ADIRF: variants seen among roughly 807,000 people sequenced by gnomAD.
ADIRF encodes the protein adipogenesis factor rich in obesity.
Under a neutral mutation model 7.8 loss-of-function variants are expected in ADIRF, and 9 were observed. That is an observed-to-expected ratio of 1.15 (90% CI 0.70 to 2.01). The LOEUF (loss-of-function observed/expected upper bound fraction) is 2.01. Ranked by LOEUF, ADIRF falls within the 30% of genes most tolerant of loss-of-function variation. ADIRF has a pLI of 0.00. For missense variants in ADIRF, 106 were observed against 98.1 expected, an observed-to-expected ratio of 1.08 and a Z score of -0.34; for synonymous variants, 48 against 39.9, an observed-to-expected ratio of 1.20 and a Z score of -0.77.
chr10:86,970,815 C>T lies in ADIRF; in HGVS notation c.*233C>T. The T allele has an allele frequency of 1.6e-6, 1 of 609,318 alleles. No homozygotes were observed. The highest frequency in any genetic ancestry group is 3.1e-6 in the Non-Finnish European group (1 of 325,890). 37.7% of individuals were successfully genotyped at this position (609,318 alleles called of 1,614,324 possible). A position where few individuals can be genotyped will look rare whatever the true frequency, so the allele number is the denominator to read the frequency against. The stretch of plus-strand genomic sequence containing the variant: ...AGAGCCACCGTAGCCGGAGTCCTAG[C>T]CTCCCAAATTCGGAAATCCAATCCA... On this transcript the variant is annotated 3_prime_UTR_variant, in exon 3 of 3. Coordinates refer to ENST00000372013, the MANE Select transcript of ADIRF (RefSeq NM_006829.3).
rs1476878118 is a variant in ADIRF, at chr10:86,970,734, C to T, written c.*152C>T. 6 of 722,118 alleles carry T rather than the reference C, an allele frequency of 8.3e-6. No homozygotes were observed. The highest frequency in any genetic ancestry group is 6.9e-5 in the African/African-American group (4 of 57,744). 44.7% of individuals were successfully genotyped at this position (722,118 alleles called of 1,614,324 possible). A position where few individuals can be genotyped will look rare whatever the true frequency, so the allele number is the denominator to read the frequency against. Reference sequence around the variant, plus strand: ...CCTCATTAAAATTCACGTTCCCACCCTGTGTCCACTTCATGATTCCTCGCA... The same window carrying T: ...CCTCATTAAAATTCACGTTCCCACCTTGTGTCCACTTCATGATTCCTCGCA... On this transcript the variant is annotated 3_prime_UTR_variant, in exon 3 of 3. Coordinates refer to ENST00000372013, the MANE Select transcript of ADIRF (RefSeq NM_006829.3).
In ADIRF at chr10:86,970,893, C is replaced by G; in HGVS notation, c.*311C>G. The G allele has an allele frequency of 2.2e-6, 1 of 460,820 alleles. No homozygotes were observed. 28.5% of individuals were successfully genotyped at this position (460,820 alleles called of 1,614,324 possible). A position where few individuals can be genotyped will look rare whatever the true frequency, so the allele number is the denominator to read the frequency against. ...CCACGCGCCTCCCGAAGCTCCCAGA[C>G]CGGAGGCTCAGCCCCCATCTCGGTT... is the stretch of plus-strand genomic sequence containing the variant. On this transcript the variant is annotated 3_prime_UTR_variant, in exon 3 of 3. Transcript: ENST00000372013.
rs1462125067 is a variant in ADIRF at position 86,968,568 on chromosome 10, C to T, written c.24C>T (p.Asp8=). The stretch of plus-strand genomic sequence containing the variant: ...CCATGGCAAGCAAGGGCTTGCAGGA[C>T]CTGAAGCAACAGGTGGAGGGGACCG... MASKGLQ[D]LKQQVEGTAQ... The change falls in exon 1 of 3, where the codon GAC becomes GAT. Residue 8 remains aspartate (D), a synonymous_variant. Transcript: ENST00000372013. 6 of 1,613,516 alleles carry T rather than the reference C, an allele frequency of 3.7e-6. No homozygotes were observed. Among genetic ancestry groups the T allele is most frequent in the East Asian group, 2.2e-5 (1 of 44,840 alleles).
Position 86,968,489 on chromosome 10 carries a change from G to A in ADIRF, c.-56G>A, listed in dbSNP as rs117748202. 5,424 of 1,605,062 alleles carry A rather than the reference G, an allele frequency of 3.4e-3. 13 individuals are homozygous for A. Among genetic ancestry groups the A allele is most frequent in the Non-Finnish European group, 4.2e-3 (4,961 of 1,174,132 alleles). ...CTGGCGCTTGGCATCGCCACTCTGG[G>A]CAGGATCCAACGTCGCTCCAGCTGC... On this transcript the variant is annotated 5_prime_UTR_variant, in exon 1 of 3. Coordinates refer to ENST00000372013, the MANE Select transcript of ADIRF (RefSeq NM_006829.3).
intron 1 of ADIRF, 134 bp from the exon 2 acceptor site, chr10:86,970,066 T>C: frequency 1.2e-6 from 1 of 846,564 alleles, no homozygotes; most frequent in Non-Finnish European, 1.6e-6. Context: ...GGCCAGGGAC[T>C]TTATCTCCAT....
rs1442192576 is a variant in ADIRF at position 86,968,587 on chromosome 10, G to C, written c.43G>C (p.Gly15Arg). 3 of 1,613,290 alleles carry C rather than the reference G, an allele frequency of 1.9e-6. No individual in the cohort carries two copies. The African/African-American group carries it at 4.0e-5, about 22-fold the overall frequency. Residue 15 changes from glycine (G) to arginine (R), a missense_variant, in exon 1 of 3, where the codon GGG becomes CGG. Transcript: ENST00000372013. ...GLQDLKQQVE[G>R]TAQEAVSAAG... ...GCAGGACCTGAAGCAACAGGTGGAG[G>C]GGACCGCCCAGGAAGCCGGTGAGGA...
chr10:86,970,793 G>A lies in ADIRF; in HGVS notation c.*211G>A, dbSNP rs985443428. 7.8e-6 allele frequency: 5 copies of A among 638,536 alleles called. No homozygotes were observed. The Middle Eastern group carries it at 7.3e-4, about 94-fold the overall frequency. 39.6% of individuals were successfully genotyped at this position (638,536 alleles called of 1,614,324 possible). A position where few individuals can be genotyped will look rare whatever the true frequency, so the allele number is the denominator to read the frequency against. Reference sequence around the variant, plus strand: ...CCAGTCCTCTCATCCCAAGAGCAGAGCCACCGTAGCCGGAGTCCTAGCCTC... The same window carrying A: ...CCAGTCCTCTCATCCCAAGAGCAGAACCACCGTAGCCGGAGTCCTAGCCTC... On this transcript the variant is annotated 3_prime_UTR_variant, in exon 3 of 3. Transcript: ENST00000372013.
At chr10:86,968,656 C>A in intron 1 of ADIRF, 51 bp downstream of exon 1, 1 of 1,584,464 alleles carries the variant, frequency 6.3e-7, no homozygotes, top group Non-Finnish European at 8.6e-7. Context: ...TGCGTGGATG[C>A]GCAGGCAGAA....
chr10:86,970,452 G>A (rs780575192), intron 2 of ADIRF, 24 bp from the exon 3 acceptor site: 1 of 1,599,722 alleles, frequency 6.3e-7, no homozygotes, highest in South Asian at 1.1e-5. Context: ...TGCCTGACCT[G>A]CCCTCTCTCC....
chr10:86,970,818 C>T lies in ADIRF; in HGVS notation c.*236C>T, dbSNP rs1763629769. On this transcript the variant is annotated 3_prime_UTR_variant, in exon 3 of 3. Transcript: ENST00000372013. ...GCCACCGTAGCCGGAGTCCTAGCCT[C>T]CCAAATTCGGAAATCCAATCCAACG... 2 of 603,094 alleles carry T rather than the reference C, an allele frequency of 3.3e-6. No homozygotes were observed. Among genetic ancestry groups the T allele is most frequent in the East Asian group, 3.7e-5 (1 of 27,204 alleles). 37.4% of individuals were successfully genotyped at this position (603,094 alleles called of 1,614,324 possible). A position where few individuals can be genotyped will look rare whatever the true frequency, so the allele number is the denominator to read the frequency against.
In ADIRF at chr10:86,970,618, A is replaced by C. The variant is rs1375099480; in HGVS notation, c.*36A>C. The C allele has an allele frequency of 2.6e-6, 4 of 1,532,566 alleles. No homozygotes were observed. In the African/African-American group the frequency reaches 5.4e-5, roughly 21 times the overall value. The allele number at this position is 1,532,566 out of a possible 1,614,324, so 94.9% of individuals were successfully genotyped here. A position where few individuals can be genotyped will look rare whatever the true frequency, so the allele number is the denominator to read the frequency against. ...ACTTGGGTCGGCCTCCTGAAATGAC[A>C]GCAGGGAGACTTGGGTGACCCCCCT... On this transcript the variant is annotated 3_prime_UTR_variant, in exon 3 of 3. Transcript: ENST00000372013.
At position 86,970,821 on chromosome 10, in the gene ADIRF, A is replaced by G. The variant is rs866675524; in HGVS notation, c.*239A>G. 17 of 595,816 alleles carry G rather than the reference A, an allele frequency of 2.9e-5. No individual in the cohort carries two copies. The highest frequency in any genetic ancestry group is 2.6e-4 in the Admixed American group (12 of 46,646). The allele number at this position is 595,816 out of a possible 1,614,324, so 36.9% of individuals were successfully genotyped here. A position where few individuals can be genotyped will look rare whatever the true frequency, so the allele number is the denominator to read the frequency against. On this transcript the variant is annotated 3_prime_UTR_variant, in exon 3 of 3. Transcript: ENST00000372013. ...ACCGTAGCCGGAGTCCTAGCCTCCC[A>G]AATTCGGAAATCCAATCCAACGGTC...
In ADIRF at chr10:86,970,539, A is replaced by G. The variant is rs1242021653; in HGVS notation, c.188A>G (p.Asp63Gly). ...GACAAGACTGCTAACCAGGCCTCTG[A>G]CACCTTCTCTGGGATTGGGAAAAAA... ...TIDKTANQAS[D>G]TFSGIGKKFG... Residue 63 changes from aspartate to glycine, a missense_variant, in exon 3 of 3, where the codon GAC becomes GGC. Transcript: ENST00000372013. 1 of 1,613,466 alleles carries G rather than the reference A, an allele frequency of 6.2e-7. No homozygotes were observed. The highest frequency in any genetic ancestry group is 8.5e-7 in the Non-Finnish European group (1 of 1,179,788).
chr10:86,968,962 C>T, intron 1 of ADIRF: 1 of 257,458 alleles, frequency 3.9e-6, no homozygotes, highest in Non-Finnish European at 7.3e-6. Flanking sequence ...AACCCGCGCG[C>T]GCCACCAGAG....
chr10:86,968,727 C>A, intron 1 of ADIRF, 122 bp downstream of exon 1: 1 of 1,160,792 alleles, frequency 8.6e-7, no homozygotes, highest in Non-Finnish European at 1.2e-6. Flanking sequence ...AAGGCTCGGT[C>A]CTCCACTGAG....
chr10:86,969,276 C>T (rs938147285), intron 1 of ADIRF: 2 of 152,342 alleles, frequency 1.3e-5, no homozygotes, highest in African/African-American at 4.8e-5. Context: ...ACCAGTGCTC[C>T]AGGGGAGGCC....
At position 86,970,753 on chromosome 10, in the gene ADIRF, C is replaced by T. The variant is rs1372403950; in HGVS notation, c.*171C>T. 1 of 688,582 alleles carries T rather than the reference C, an allele frequency of 1.5e-6. No homozygotes were observed. The highest frequency in any genetic ancestry group is 2.6e-6 in the Non-Finnish European group (1 of 378,906). 42.7% of individuals were successfully genotyped at this position (688,582 alleles called of 1,614,324 possible). A position where few individuals can be genotyped will look rare whatever the true frequency, so the allele number is the denominator to read the frequency against. The stretch of plus-strand genomic sequence containing the variant: ...CCCACCCTGTGTCCACTTCATGATT[C>T]CTCGCAAGCTGGGCCCAGTCCTCTC... On this transcript the variant is annotated 3_prime_UTR_variant, in exon 3 of 3. Transcript: ENST00000372013.
chr10:86,970,524 C>CT lies in ADIRF; in HGVS notation c.174dup (p.Asn59Ter), dbSNP rs1274178367. The CT allele has an allele frequency of 5.0e-6, 8 of 1,613,544 alleles. No homozygotes were observed. The highest frequency in any genetic ancestry group is 5.9e-6 in the Non-Finnish European group (7 of 1,179,876). On this transcript the variant is annotated frameshift_variant, in exon 3 of 3. Coordinates refer to ENST00000372013, the MANE Select transcript of ADIRF (RefSeq NM_006829.3). LOFTEE classifies it high-confidence loss of function. ...ACCCAGGAAACCATCGACAAGACTGCTAACCAGGCCTCTGACACCTTCTCT... is the reference window on the plus strand; with the variant it reads ...ACCCAGGAAACCATCGACAAGACTGCTTAACCAGGCCTCTGACACCTTCTCT...
In ADIRF at chr10:86,970,636, AC is replaced by A. The variant is rs754022420; in HGVS notation, c.*60del. ...AAATGACAGCAGGGAGACTTGGGTGACCCCCCTTCCAGGCGCCATCTAGCAC... is the reference window on the plus strand; with the variant it reads ...AAATGACAGCAGGGAGACTTGGGTGACCCCCTTCCAGGCGCCATCTAGCAC... On this transcript the variant is annotated 3_prime_UTR_variant, in exon 3 of 3. Transcript: ENST00000372013. 4 of 1,464,144 alleles carry A rather than the reference AC, an allele frequency of 2.7e-6. No individual in the cohort carries two copies. Among genetic ancestry groups the A allele is most frequent in the African/African-American group, 2.8e-5 (2 of 71,960 alleles). 90.7% of individuals were successfully genotyped at this position (1,464,144 alleles called of 1,614,324 possible). A position where few individuals can be genotyped will look rare whatever the true frequency, so the allele number is the denominator to read the frequency against.
Sources: gnomAD v4.1 joint callset for allele counts on GRCh38, gnomAD v4.1.1 for gene constraint, MANE v1.5 for transcripts, NCBI Gene and HGNC (gene_info 2026-07-23, HGNC 2026-07-21) for gene names.